The following ATP10D variants were observed in gnomAD, a reference collection of about 807,000 sequenced individuals.
ATP10D encodes ATPase phospholipid transporting 10D (putative), also known as phospholipid-transporting ATPase VD.
A neutral mutation model predicts 144.8 loss-of-function variants in ATP10D; 89 were observed. The ratio of observed to expected loss-of-function variants is 0.61; its 90% CI spans 0.52 to 0.73. ATP10D has a LOEUF of 0.73. ATP10D is among the 30% of genes least tolerant of loss of function. The pLI is 0.00. For missense variants in ATP10D, 1,603 were observed against 1,714.8 expected (o/e 0.93, Z 1.15); for synonymous variants, 571 against 615.1 (o/e 0.93, Z 1.06).
chr4:47,559,516 T>G (rs192755894), intron 13 of ATP10D, among the ~76,000 whole-genome samples: 14 of 152,372 alleles, frequency 9.2e-5, no homozygotes, highest in South Asian at 2.1e-4. Context: ...CAGTATTGAT[T>G]ATTCTTTATT....
chr4:47,528,458 GGTGTGT>G (rs372960268), intron 5 of ATP10D, among the ~76,000 whole-genome samples: 12,319 of 114,540 alleles, frequency 0.11, 691 homozygotes, highest in East Asian at 0.22. Flanking sequence ...AGTAGTCCAT[GGTGTGT>G]GTGTGTGTGT....
intron 2 of ATP10D, among the ~76,000 whole-genome samples, chr4:47,515,152 G>A (rs573484555): frequency 1.3e-5 from 2 of 151,994 alleles, no homozygotes; most frequent in South Asian, 4.2e-4. Flanking sequence ...GTAGAGACGG[G>A]GTTTTACCGT....
intron 1 of ATP10D, 111 bp from the exon 2 acceptor site, chr4:47,512,393 T>C (rs746831430): frequency 2.1e-4 from 142 of 675,790 alleles, no homozygotes; most frequent in Non-Finnish European, 3.1e-4. Flanking sequence ...CTCCCTTACA[T>C]GTTGAACCAT....
At chr4:47,486,666 T>G (rs765821433) in intron 1 of ATP10D, among the ~76,000 whole-genome samples, 6 of 152,224 alleles carry the variant, frequency 3.9e-5, no homozygotes, top group Non-Finnish European at 7.3e-5. Flanking sequence ...CTGGACTGTT[T>G]TCTATTCTCA....
intron 16 of ATP10D, 83 bp downstream of exon 16, chr4:47,569,229 A>G: frequency 6.9e-7 from 1 of 1,454,006 alleles, no homozygotes; most frequent in East Asian, 2.3e-5. Flanking sequence ...TTCTTCTCCC[A>G]CTGTTCCTTC....
intron 5 of ATP10D, among the ~76,000 whole-genome samples, chr4:47,534,109 A>G (rs1027676741): frequency 4.6e-5 from 7 of 152,112 alleles, no homozygotes; most frequent in African/African-American, 1.4e-4. Flanking sequence ...CTCCCAATAA[A>G]TTGAGTCATT....
At chr4:47,555,018 ATAG>A (rs1718908853) in intron 11 of ATP10D, 104 bp downstream of exon 11, 1 of 994,336 alleles carries the variant, frequency 1.0e-6, no homozygotes, top group Admixed American at 2.1e-5. Context: ...ATGATAAATA[ATAG>A]TAGCTGTATA....
chr4:47,530,964 G>A (rs1717535326), intron 5 of ATP10D, among the ~76,000 whole-genome samples: 1 of 152,020 alleles, frequency 6.6e-6, no homozygotes, highest in South Asian at 2.1e-4. Context: ...CTTTTTTGTT[G>A]TTGTTGTGTC....
chr4:47,567,572 C>T (rs926713904), intron 15 of ATP10D, among the ~76,000 whole-genome samples: 1 of 152,116 alleles, frequency 6.6e-6, no homozygotes, highest in African/African-American at 2.4e-5. Flanking sequence ...TCAATGATTG[C>T]GAGGCATGTT....
chr4:47,488,920 A>G (rs569452319), intron 1 of ATP10D, among the ~76,000 whole-genome samples: 13 of 152,326 alleles, frequency 8.5e-5, no homozygotes, highest in African/African-American at 2.9e-4. Flanking sequence ...CCACCTATGA[A>G]TCAGAAAGTG....
intron 21 of ATP10D, among the ~76,000 whole-genome samples, chr4:47,585,345 T>C (rs1432127886): frequency 1.3e-5 from 2 of 152,130 alleles, no homozygotes; most frequent in East Asian, 3.8e-4. Flanking sequence ...TTTAAATCTT[T>C]TTTTATTTCT....
intron 11 of ATP10D, among the ~76,000 whole-genome samples, chr4:47,555,300 A>G (rs923322865): frequency 1.3e-5 from 2 of 152,332 alleles, no homozygotes; most frequent in Admixed American, 6.5e-5. Flanking sequence ...ATGAGAATCT[A>G]ATACCCAGAG....
chr4:47,508,765 A>G (rs113007006), intron 1 of ATP10D, among the ~76,000 whole-genome samples: 54 of 152,320 alleles, frequency 3.5e-4, no homozygotes, highest in African/African-American at 1.2e-3. Context: ...TCTTGCTTTT[A>G]TATGTGTGTG....
intron 5 of ATP10D, among the ~76,000 whole-genome samples, chr4:47,535,020 G>A (rs1263195324): frequency 6.6e-6 from 1 of 152,102 alleles, no homozygotes; most frequent in East Asian, 1.9e-4. Flanking sequence ...GTAGCAATGT[G>A]GATGGAGCTG....
intron 3 of ATP10D, among the ~76,000 whole-genome samples, chr4:47,521,771 C>A (rs1716957184): frequency 6.6e-6 from 1 of 152,188 alleles, no homozygotes; most frequent in South Asian, 2.1e-4. Context: ...TATGCACAGA[C>A]ACTAGGGAAA....
chr4:47,518,090 A>G (rs959206628), intron 3 of ATP10D, among the ~76,000 whole-genome samples: 2 of 152,198 alleles, frequency 1.3e-5, no homozygotes, highest in African/African-American at 4.8e-5. Flanking sequence ...GTTGATTTAA[A>G]TATGCTAATG....
chr4:47,524,810 A>G (rs1432470234), intron 4 of ATP10D, among the ~76,000 whole-genome samples: 1 of 152,026 alleles, frequency 6.6e-6, no homozygotes, highest in African/African-American at 2.4e-5. Context: ...GTGCGTCGAA[A>G]GAACTCCATG....
intron 1 of ATP10D, among the ~76,000 whole-genome samples, chr4:47,489,582 G>A (rs1374722543): frequency 6.6e-6 from 1 of 152,114 alleles, no homozygotes; most frequent in Non-Finnish European, 1.5e-5. Flanking sequence ...TCCTAATGAA[G>A]CAATTAGTCC....
intron 1 of ATP10D, among the ~76,000 whole-genome samples, chr4:47,505,176 C>T (rs7699242): frequency 0.2 from 29,898 of 152,092 alleles, 3,540 homozygotes; most frequent in East Asian, 0.62. Flanking sequence ...TTCTTGTATC[C>T]GCTGTCAAGC....
Sources: allele counts gnomAD v4.1 joint callset (sites outside exome capture counted in the v4.1 genomes callset), GRCh38; gene constraint gnomAD v4.1.1; transcripts MANE v1.5; gene names NCBI Gene and HGNC (gene_info 2026-07-23, HGNC 2026-07-21).